The following SLC7A7 variants were observed in gnomAD, a reference collection of about 807,000 sequenced individuals.
SLC7A7 encodes the protein Y+L amino acid transporter 1.
Under a neutral mutation model 47.9 loss-of-function variants are expected in SLC7A7, and 39 were observed. The observed-to-expected ratio is 0.81, with a 90% CI of 0.63 to 1.06. SLC7A7 has a LOEUF of 1.06. Ranked by LOEUF, SLC7A7 falls within the 50% of genes least tolerant of loss-of-function variation. The pLI is 0.00. For missense variants in SLC7A7, 588 were observed against 632.0 expected (o/e 0.93, Z 0.75); for synonymous variants, 234 against 242.8 (o/e 0.96, Z 0.34).
At chr14:22,818,701 C>A (rs1247215456), upstream of SLC7A7, among the ~76,000 whole-genome samples, 9 of 150,674 alleles carry the variant, frequency 6.0e-5, no homozygotes, top group Admixed American at 5.4e-4. Flanking sequence ...CTCCCGGGTT[C>A]TCCTGCCTCA....
chr14:22,800,663 G>A (rs8006101), intron 2 of SLC7A7, among the ~76,000 whole-genome samples: 9,605 of 141,508 alleles, frequency 0.068, 335 homozygotes, highest in South Asian at 0.11. Context: ...GGCCGGGTGC[G>A]GTGGCTCACA....
chr14:22,818,135 G>T (rs1367594368), upstream of SLC7A7, among the ~76,000 whole-genome samples: 6 of 152,154 alleles, frequency 3.9e-5, no homozygotes, highest in Admixed American at 2.6e-4. Flanking sequence ...GAAGGAAGGA[G>T]GGACAAAGGA....
At chr14:22,810,707 G>T (rs2039292804) in intron 2 of SLC7A7, among the ~76,000 whole-genome samples, 1 of 152,184 alleles carries the variant, frequency 6.6e-6, no homozygotes, top group Admixed American at 6.5e-5. Flanking sequence ...GCTGGGCACA[G>T]TGGCTCATGC....
Position 22,775,430 on chromosome 14 carries a change from T to C in SLC7A7, c.1095+14A>G, listed in dbSNP as rs2139386863. 1.2e-6 allele frequency: 2 copies of C among 1,608,032 alleles called. No homozygotes were observed. The highest frequency in any genetic ancestry group is 3.3e-5 in the Admixed American group (2 of 60,012). On this transcript the variant is annotated intron_variant, in intron 7 of 9. Transcript: ENST00000674313. ...CGCAATCTGGCTTTCAGTCTCATCCTTGAGTTCACTTACATTGAAGAGCAG... is the reference window on the plus strand; with the variant it reads ...CGCAATCTGGCTTTCAGTCTCATCCCTGAGTTCACTTACATTGAAGAGCAG...
chr14:22,813,648 C>T (rs1489622240), intron 1 of SLC7A7, among the ~76,000 whole-genome samples: 2 of 152,166 alleles, frequency 1.3e-5, no homozygotes, highest in African/African-American at 2.4e-5. Flanking sequence ...GACAGAGTCT[C>T]GCTCTGTAGC....
At chr14:22,805,452 T>C (rs945272308) in intron 2 of SLC7A7, among the ~76,000 whole-genome samples, 6 of 152,210 alleles carry the variant, frequency 3.9e-5, no homozygotes, top group Non-Finnish European at 7.3e-5. Flanking sequence ...AATGAGATCA[T>C]GTCCTTTGCA....
intron 2 of SLC7A7, among the ~76,000 whole-genome samples, chr14:22,797,538 A>C (rs546285257): frequency 6.6e-6 from 1 of 152,186 alleles, no homozygotes; most frequent in African/African-American, 2.4e-5. Flanking sequence ...TACAAGAATC[A>C]GTTGCTATGA....
In SLC7A7 at chr14:22,784,048, A is replaced by C. The variant is rs138376408; in HGVS notation, c.500-3997T>G. Among the ~76,000 whole-genome samples the C allele has an allele frequency of 5.4e-3, 828 of 152,346 alleles. 9 individuals carry two copies. Among genetic ancestry groups the C allele is most frequent in the African/African-American group, 0.019 (784 of 41,574 alleles). On this transcript the variant is annotated intron_variant, in intron 2 of 9. Transcript: ENST00000674313. ...GCGGATACAGCTGACCACTGGCCCC[A>C]GAGCCCAGCTAAGTGCACTGCTCTT...
intron 2 of SLC7A7, among the ~76,000 whole-genome samples, chr14:22,792,815 A>G (rs10146190): frequency 0.87 from 125,689 of 144,562 alleles, 55,570 homozygotes; most frequent in East Asian, 0.97. Context: ...CCGAGATTGC[A>G]CCACTGCACT....
At position 22,775,946 on chromosome 14, in the gene SLC7A7, A is replaced by T. The variant is rs2038595966; in HGVS notation, c.895-10T>A. 1.3e-6 allele frequency: 2 copies of T among 1,597,432 alleles called. No homozygotes were observed. Among genetic ancestry groups the T allele is most frequent in the African/African-American group, 2.7e-5 (2 of 74,630 alleles). ...TCTGATCTGCAAAAGTCTAAGGGAA[A>T]AGAATGGAAGAGTCATTAGCAGGAT... On this transcript the variant is annotated splice_polypyrimidine_tract_variant and intron_variant, in intron 5 of 9. Transcript: ENST00000674313.
chr14:22,813,502 C>CTGTGTTGGAGGCGGGTAGAG, intron 1 of SLC7A7, 62 bp from the exon 2 acceptor site: 2 of 1,419,896 alleles, frequency 1.4e-6, no homozygotes, highest in Non-Finnish European at 1.9e-6. Context: ...AACCTCTACC[C>CTGTGTTGGAGGCGGGTAGAG]GCCTCCAACA....
chr14:22,793,065 C>T (rs939853637), intron 2 of SLC7A7, among the ~76,000 whole-genome samples: 4 of 151,464 alleles, frequency 2.6e-5, no homozygotes, highest in South Asian at 2.1e-4. Flanking sequence ...TACAGGCGCC[C>T]GCCACCAAGC....
rs566648169 is a variant in SLC7A7 at position 22,789,941 on chromosome 14, A to C, written c.500-9890T>G. ...ACTTCATATTAGCCCAGTGAGACCCATTTCAGACTTCTGACCTCCAGAATT... is the reference window on the plus strand; with the variant it reads ...ACTTCATATTAGCCCAGTGAGACCCCTTTCAGACTTCTGACCTCCAGAATT... On this transcript the variant is annotated intron_variant, in intron 2 of 9. Transcript: ENST00000674313. 2.0e-5 allele frequency among the ~76,000 whole-genome samples: 3 copies of C among 152,276 alleles called. No homozygotes were observed. In the South Asian group the frequency reaches 6.2e-4, roughly 32 times the overall value.
intron 2 of SLC7A7, among the ~76,000 whole-genome samples, chr14:22,792,978 G>A (rs1472816338): frequency 1.3e-5 from 2 of 149,494 alleles, no homozygotes; most frequent in South Asian, 2.2e-4. Flanking sequence ...GTGCAGTGGT[G>A]CGATCTTGGC....
intron 2 of SLC7A7, among the ~76,000 whole-genome samples, chr14:22,794,548 C>T (rs1249329559): frequency 6.6e-6 from 1 of 152,142 alleles, no homozygotes; most frequent in African/African-American, 2.4e-5. Context: ...TCAGTACCAC[C>T]TGAGGAATTT....
intron 2 of SLC7A7, among the ~76,000 whole-genome samples, chr14:22,804,542 A>G (rs2039168878): frequency 6.6e-6 from 1 of 152,244 alleles, no homozygotes; most frequent in Non-Finnish European, 1.5e-5. Flanking sequence ...TCCCATTAAA[A>G]AGTGAGAAAA....
Position 22,776,286 on chromosome 14 carries a change from G to A in SLC7A7, c.803C>T (p.Pro268Leu). ...NLPLSIGISM[P>L]IVTIIYILTN... ...CAAGATATAGATGATGGTGACAATGGGCATGGAGATGCCAATGGAGAGGGG... is the reference window on the plus strand; with the variant it reads ...CAAGATATAGATGATGGTGACAATGAGCATGGAGATGCCAATGGAGAGGGG... The change falls in exon 5 of 10, where the codon CCC becomes CTC. Residue 268 changes from proline (P) to leucine (L), a missense_variant. Transcript: ENST00000674313. The A allele has an allele frequency of 1.2e-6, 2 of 1,614,134 alleles. No homozygotes were observed. The highest frequency in any genetic ancestry group is 8.5e-7 in the Non-Finnish European group (1 of 1,180,032).
chr14:22,779,071 G>A, intron 3 of SLC7A7, 134 bp from the exon 4 acceptor site: 2 of 1,039,422 alleles, frequency 1.9e-6, no homozygotes, highest in Non-Finnish European at 2.9e-6. Context: ...GGCAGCAAGA[G>A]TACCAGTAAG....
rs386833802 is a variant in SLC7A7, at chr14:22,774,089, A to G, written c.1273T>C (p.Cys425Arg). 1.9e-6 allele frequency: 3 copies of G among 1,614,240 alleles called. No homozygotes were observed. The highest frequency in any genetic ancestry group is 2.5e-6 in the Non-Finnish European group (3 of 1,180,038). ...KLSVFFPIVF[C>R]LCTIFLVAVP... ...GCCACCAGGAAGATGGTGCAGAGGCAGAAGACAATCGGGAAGAAAACGCTG... is the reference window on the plus strand; with the variant it reads ...GCCACCAGGAAGATGGTGCAGAGGCGGAAGACAATCGGGAAGAAAACGCTG... Residue 425 changes from cysteine to arginine, a missense_variant, in exon 9 of 10, where the codon TGC (cysteine) becomes CGC (arginine). Physicochemically the swap from Cys to Arg is radical, Grantham distance 180. Coordinates refer to ENST00000674313, the MANE Select transcript of SLC7A7 (RefSeq NM_003982.4).
Sources: allele counts gnomAD v4.1 joint callset (sites outside exome capture counted in the v4.1 genomes callset), GRCh38; gene constraint gnomAD v4.1.1; transcripts MANE v1.5; gene names NCBI Gene and HGNC (gene_info 2026-07-23, HGNC 2026-07-21).